Variants in KCNQ5 observed in about 807,000 individuals in gnomAD.
The protein encoded by KCNQ5 is potassium voltage-gated channel subfamily KQT member 5.
Under a neutral mutation model 98.2 loss-of-function variants are expected in KCNQ5, and 30 were observed. That is an observed-to-expected ratio of 0.31 (90% CI 0.23 to 0.41). The LOEUF (loss-of-function observed/expected upper bound fraction) is 0.41. KCNQ5 is among the 10% of genes least tolerant of loss of function. KCNQ5 has a pLI of 1.00. For missense variants in KCNQ5, 835 were observed against 1,182.5 expected, an observed-to-expected ratio of 0.71 and a Z score of 4.31; for synonymous variants, 458 against 449.4, an observed-to-expected ratio of 1.02 and a Z score of -0.24.
intron 9 of KCNQ5, among the ~76,000 whole-genome samples, chr6:73,125,016 A>T (rs553496632): frequency 1.4e-5 from 2 of 137,978 alleles, no homozygotes; most frequent in Admixed American, 1.5e-4. Flanking sequence ...ATACATATAC[A>T]CATACATACA....
intron 1 of KCNQ5, among the ~76,000 whole-genome samples, chr6:72,648,738 A>G (rs1042090488): frequency 6.6e-6 from 1 of 151,964 alleles, no homozygotes; most frequent in Non-Finnish European, 1.5e-5. Flanking sequence ...AGCCTGCAGA[A>G]ATATAGCAAA....
chr6:72,747,730 C>A (rs1771475679), intron 1 of KCNQ5, among the ~76,000 whole-genome samples: 1 of 152,102 alleles, frequency 6.6e-6, no homozygotes, highest in African/African-American at 2.4e-5. Flanking sequence ...TGCCATTGTC[C>A]ATATCATATC....
chr6:73,003,329 A>T (rs138925960), intron 1 of KCNQ5, among the ~76,000 whole-genome samples: 1 of 152,308 alleles, frequency 6.6e-6, no homozygotes, highest in East Asian at 1.9e-4. Context: ...TATGGGTAGC[A>T]GAGGAAATCA....
intron 11 of KCNQ5, among the ~76,000 whole-genome samples, chr6:73,175,065 A>C (rs548511942): frequency 1.4e-4 from 22 of 152,078 alleles, no homozygotes; most frequent in Non-Finnish European, 2.4e-4. Flanking sequence ...ACCTGCTTGC[A>C]TCTCCTTCAC....
At chr6:72,921,647 C>T (rs1465765402) in intron 1 of KCNQ5, among the ~76,000 whole-genome samples, 1 of 152,158 alleles carries the variant, frequency 6.6e-6, no homozygotes, top group Non-Finnish European at 1.5e-5. Flanking sequence ...TCTACTTCAC[C>T]AGGTTATTGC....
chr6:73,010,484 A>G (rs1258462466), intron 2 of KCNQ5, among the ~76,000 whole-genome samples: 1 of 152,022 alleles, frequency 6.6e-6, no homozygotes, highest in Non-Finnish European at 1.5e-5. Context: ...TGCCATCCCT[A>G]TTCAACAAAG....
chr6:72,853,196 A>G (rs1454450228), intron 1 of KCNQ5, among the ~76,000 whole-genome samples: 1 of 152,186 alleles, frequency 6.6e-6, no homozygotes, highest in Non-Finnish European at 1.5e-5. Flanking sequence ...CCTTCTTCCA[A>G]TAGACAGTTA....
At position 72,885,886 on chromosome 6, in the gene KCNQ5, T is replaced by C. The variant is rs552043155; in HGVS notation, c.399-118022T>C. Among the ~76,000 whole-genome samples the C allele has an allele frequency of 1.1e-4, 16 of 152,328 alleles. 1 individual carries two copies. Among genetic ancestry groups the C allele is most frequent in the Middle Eastern group, 3.4e-3 (1 of 294 alleles). ...GAAAGGGAGAGACTAAAAAAATTAA[T>C]CTATTTCAACCTTGGATCTCACTGG... On this transcript the variant is annotated intron_variant, in intron 1 of 13. Transcript: ENST00000370398.
intron 1 of KCNQ5, among the ~76,000 whole-genome samples, chr6:72,835,163 C>T (rs980470226): frequency 6.6e-6 from 1 of 152,048 alleles, no homozygotes; most frequent in African/African-American, 2.4e-5. Context: ...ATAATGGTTT[C>T]TTTCCTCCCC....
At chr6:73,035,589 A>T (rs1425447596) in intron 2 of KCNQ5, among the ~76,000 whole-genome samples, 1 of 152,208 alleles carries the variant, frequency 6.6e-6, no homozygotes, top group Admixed American at 6.5e-5. Flanking sequence ...CCTAATTTAA[A>T]TCATCTCGAC....
intron 3 of KCNQ5, among the ~76,000 whole-genome samples, chr6:73,044,823 A>G (rs1390366108): frequency 6.6e-6 from 1 of 152,234 alleles, no homozygotes; most frequent in Non-Finnish European, 1.5e-5. Flanking sequence ...AAATATAGCT[A>G]AAACCTCCCA....
intron 5 of KCNQ5, among the ~76,000 whole-genome samples, chr6:73,085,728 C>T (rs1773962490): frequency 6.6e-6 from 1 of 152,182 alleles, no homozygotes; most frequent in Non-Finnish European, 1.5e-5. Flanking sequence ...TGAAAGAAAG[C>T]AGGCACTCTT....
intron 1 of KCNQ5, among the ~76,000 whole-genome samples, chr6:72,824,039 T>C (rs1216908641): frequency 1.3e-5 from 2 of 152,202 alleles, no homozygotes. Flanking sequence ...AGTACCATTT[T>C]ATATGTTTTC....
chr6:73,030,981 G>A (rs751103297), intron 2 of KCNQ5, among the ~76,000 whole-genome samples: 2 of 152,090 alleles, frequency 1.3e-5, no homozygotes, highest in Non-Finnish European at 2.9e-5. Flanking sequence ...AAACACACTG[G>A]CCACTTCTGC....
chr6:72,973,882 G>T (rs137978727), intron 1 of KCNQ5, among the ~76,000 whole-genome samples: 23 of 152,188 alleles, frequency 1.5e-4, no homozygotes, highest in African/African-American at 4.6e-4. Context: ...TGTATTTAAC[G>T]AGACAAAAAC....
intron 1 of KCNQ5, among the ~76,000 whole-genome samples, chr6:72,827,793 A>T (rs1256143167): frequency 6.6e-6 from 1 of 152,002 alleles, no homozygotes; most frequent in Non-Finnish European, 1.5e-5. Flanking sequence ...TTGATCATAA[A>T]ATATTTTCCC....
At chr6:72,943,564 T>G (rs1766405011) in intron 1 of KCNQ5, among the ~76,000 whole-genome samples, 1 of 152,202 alleles carries the variant, frequency 6.6e-6, no homozygotes, top group South Asian at 2.1e-4. Flanking sequence ...CATTTGAAAA[T>G]TATTGAATAA....
At chr6:73,097,315 A>G (rs1309677732) in intron 5 of KCNQ5, among the ~76,000 whole-genome samples, 1 of 151,746 alleles carries the variant, frequency 6.6e-6, no homozygotes, top group African/African-American at 2.4e-5. Context: ...TAGTGAAAAC[A>G]TGCAGTATTT....
intron 1 of KCNQ5, among the ~76,000 whole-genome samples, chr6:72,826,602 A>C (rs1039901900): frequency 2.0e-5 from 3 of 152,082 alleles, no homozygotes; most frequent in Admixed American, 2.0e-4. Flanking sequence ...TGTTTGACAA[A>C]TAATAATTAT....
Sources: gnomAD v4.1 joint callset for allele counts (sites outside exome capture counted in the v4.1 genomes callset) on GRCh38, gnomAD v4.1.1 for gene constraint, MANE v1.5 for transcripts, NCBI Gene and HGNC (gene_info 2026-07-23, HGNC 2026-07-21) for gene names.